SNTG1: variants seen among roughly 807,000 people sequenced by gnomAD.
SNTG1 encodes syntrophin gamma 1, also known as gamma-1-syntrophin.
A neutral mutation model predicts 74.7 loss-of-function variants in SNTG1; 39 were observed. The ratio of observed to expected loss-of-function variants is 0.52; its 90% CI spans 0.40 to 0.68. SNTG1 has a LOEUF of 0.68. SNTG1 is among the 30% of genes least tolerant of loss of function. SNTG1 has a pLI of 0.00. For missense variants in SNTG1, 685 were observed against 609.5 expected (o/e 1.12, Z -1.30); for synonymous variants, 254 against 217.1 (o/e 1.17, Z -1.49).
intron 13 of SNTG1, among the ~76,000 whole-genome samples, chr8:50,600,084 G>A (rs950999957): frequency 2.0e-5 from 3 of 152,026 alleles, no homozygotes; most frequent in Non-Finnish European, 4.4e-5. Flanking sequence ...TCCTCATTCT[G>A]TTGACATGAT....
At chr8:50,144,305 T>C (rs569412001) in intron 1 of SNTG1, among the ~76,000 whole-genome samples, 1 of 152,062 alleles carries the variant, frequency 6.6e-6, no homozygotes, top group African/African-American at 2.4e-5. Context: ...GAAGGAAACA[T>C]AAAAATGGAG....
At chr8:49,928,276 G>A (rs899950793) in intron 1 of SNTG1, among the ~76,000 whole-genome samples, 1 of 151,590 alleles carries the variant, frequency 6.6e-6, no homozygotes, top group Non-Finnish European at 1.5e-5. Context: ...CCCCCAGACT[G>A]GAGTGCAGTG....
At position 50,735,146 on chromosome 8, in the gene SNTG1, T is replaced by A. The variant is rs1478397938; in HGVS notation, c.1285-16855T>A. Among the ~76,000 whole-genome samples, 3 of 151,558 alleles carry A rather than the reference T, an allele frequency of 2.0e-5. No individual in the cohort carries two copies. In the East Asian group the frequency reaches 5.9e-4, roughly 30 times the overall value. On this transcript the variant is annotated intron_variant, in intron 17 of 18. Transcript: ENST00000642720. ...ACTATTAAGCAATAATTACTCATTC[T>A]TCCTGCCCGACATATTGGATTTAAA...
chr8:50,323,960 G>T (rs898169104), intron 2 of SNTG1, among the ~76,000 whole-genome samples: 1 of 152,186 alleles, frequency 6.6e-6, no homozygotes, highest in African/African-American at 2.4e-5. Flanking sequence ...TCTTCCCTTA[G>T]CTATTCCAGC....
chr8:49,938,953 G>A (rs1432013140), intron 1 of SNTG1, among the ~76,000 whole-genome samples: 1 of 151,826 alleles, frequency 6.6e-6, no homozygotes, highest in Non-Finnish European at 1.5e-5. Flanking sequence ...GCCCTATCAC[G>A]TTTTACCAGT....
At chr8:50,152,311 G>A (rs1464501940) in intron 1 of SNTG1, among the ~76,000 whole-genome samples, 1 of 152,178 alleles carries the variant, frequency 6.6e-6, no homozygotes, top group Non-Finnish European at 1.5e-5. Context: ...CTCTGCACAT[G>A]AGATGGGTCT....
intron 1 of SNTG1, among the ~76,000 whole-genome samples, chr8:49,978,381 A>G (rs1283550915): frequency 6.6e-6 from 1 of 152,188 alleles, no homozygotes; most frequent in African/African-American, 2.4e-5. Flanking sequence ...AAAGAAAGCA[A>G]TGCAAAAAAA....
intron 13 of SNTG1, among the ~76,000 whole-genome samples, chr8:50,632,419 G>A (rs1261840389): frequency 2.6e-5 from 4 of 151,778 alleles, no homozygotes; most frequent in African/African-American, 4.8e-5. Flanking sequence ...TAAATGAACC[G>A]TATGTCTCAG....
intron 2 of SNTG1, among the ~76,000 whole-genome samples, chr8:50,224,119 A>G (rs943858903): frequency 2.0e-4 from 31 of 152,342 alleles, no homozygotes; most frequent in Admixed American, 4.6e-4. Flanking sequence ...AATGTAAGAC[A>G]TATAAGACCT....
At chr8:50,098,875 AG>A in intron 1 of SNTG1, among the ~76,000 whole-genome samples, 1 of 152,278 alleles carries the variant, frequency 6.6e-6, no homozygotes, top group East Asian at 1.9e-4. Context: ...TTCATAACCT[AG>A]CAAAGAAGAC....
intron 18 of SNTG1, among the ~76,000 whole-genome samples, chr8:50,755,570 A>G (rs2095578295): frequency 6.6e-6 from 1 of 151,924 alleles, no homozygotes; most frequent in South Asian, 2.1e-4. Flanking sequence ...CTAAACATCC[A>G]TATTCAGGTT....
At chr8:50,337,684 C>A (rs1051493032) in intron 2 of SNTG1, among the ~76,000 whole-genome samples, 28 of 152,142 alleles carry the variant, frequency 1.8e-4, no homozygotes, top group African/African-American at 4.8e-4. Flanking sequence ...TTGTTAGGGT[C>A]GCAACCCATG....
intron 1 of SNTG1, among the ~76,000 whole-genome samples, chr8:50,165,019 C>A (rs1172100246): frequency 6.6e-6 from 1 of 152,056 alleles, no homozygotes; most frequent in African/African-American, 2.4e-5. Context: ...TATGCTTCCC[C>A]CTCCCCAGCA....
chr8:50,697,233 A>C (rs1442433577), intron 15 of SNTG1, among the ~76,000 whole-genome samples: 1 of 151,960 alleles, frequency 6.6e-6, no homozygotes, highest in Non-Finnish European at 1.5e-5. Context: ...CAACTGCATT[A>C]TTGTTGCTGT....
intron 8 of SNTG1, among the ~76,000 whole-genome samples, chr8:50,495,005 A>T (rs866411748): frequency 1.6e-4 from 24 of 152,184 alleles, no homozygotes; most frequent in African/African-American, 9.6e-5. Context: ...TGCATTCTTA[A>T]TTGTAATAAA....
At chr8:50,556,928 C>T (rs983678848) in intron 12 of SNTG1, among the ~76,000 whole-genome samples, 4 of 152,174 alleles carry the variant, frequency 2.6e-5, no homozygotes, top group Non-Finnish European at 5.9e-5. Context: ...GAGGACTCAG[C>T]ACATGTCAGT....
chr8:50,256,972 T>C (rs1259569788), intron 2 of SNTG1, among the ~76,000 whole-genome samples: 3 of 152,120 alleles, frequency 2.0e-5, no homozygotes, highest in African/African-American at 4.8e-5. Context: ...GAAGAGCTAT[T>C]CTGAATAAGT....
At chr8:50,361,385 T>C (rs1050032482) in intron 2 of SNTG1, among the ~76,000 whole-genome samples, 1 of 152,172 alleles carries the variant, frequency 6.6e-6, no homozygotes, top group Admixed American at 6.5e-5. Flanking sequence ...TAGAAATATG[T>C]CCATGATGGT....
intron 2 of SNTG1, among the ~76,000 whole-genome samples, chr8:50,331,788 G>A (rs989828544): frequency 6.6e-6 from 1 of 152,128 alleles, no homozygotes; most frequent in Non-Finnish European, 1.5e-5. Flanking sequence ...GTGAGTGAGA[G>A]GGAAGATTTC....
Sources: gnomAD v4.1 joint callset for allele counts (sites outside exome capture counted in the v4.1 genomes callset) on GRCh38, gnomAD v4.1.1 for gene constraint, MANE v1.5 for transcripts, NCBI Gene and HGNC (gene_info 2026-07-23, HGNC 2026-07-21) for gene names.